Variants in LAMA4 observed in about 807,000 individuals in gnomAD.
LAMA4 encodes laminin subunit alpha 4.
In LAMA4, 127 loss-of-function variants were observed where a neutral mutation model predicts 207.1. That is an observed-to-expected ratio of 0.61 (90% CI 0.53 to 0.71). LAMA4 has a LOEUF of 0.71. Ranked by LOEUF, LAMA4 falls within the 30% of genes least tolerant of loss-of-function variation. LAMA4 has a pLI of 0.00. For synonymous variants in LAMA4, 761 were observed against 816.0 expected (o/e 0.93, Z 1.15); for missense variants, 2,093 against 2,246.5 (o/e 0.93, Z 1.38).
intron 5 of LAMA4, 78 bp from the exon 6 acceptor site, chr6:112,191,928 A>ATT: frequency 2.7e-6 from 3 of 1,118,084 alleles, no homozygotes; most frequent in Non-Finnish European, 4.0e-6. Context: ...TACAAAGAAG[A>ATT]AAGATGTAGT....
intron 2 of LAMA4, among the ~76,000 whole-genome samples, chr6:112,247,137 G>A (rs1017490749): frequency 1.3e-5 from 2 of 152,222 alleles, no homozygotes; most frequent in Admixed American, 1.3e-4. Context: ...GACAGACTGA[G>A]AGAAATGAGG....
chr6:112,189,529 G>C (rs1489454936), intron 6 of LAMA4, among the ~76,000 whole-genome samples: 1 of 152,156 alleles, frequency 6.6e-6, no homozygotes, highest in Non-Finnish European at 1.5e-5. Context: ...AGTTTCACAA[G>C]ATACTAAATG....
intron 8 of LAMA4, chr6:112,186,773 A>T (rs1554346766): frequency 2.2e-6 from 1 of 449,840 alleles, no homozygotes. Context: ...TTTTTATAAA[A>T]TATATTTTCT....
At chr6:112,126,521 C>G (rs1295864038) in intron 31 of LAMA4, among the ~76,000 whole-genome samples, 4 of 152,132 alleles carry the variant, frequency 2.6e-5, no homozygotes, top group African/African-American at 9.7e-5. Context: ...TATACACACA[C>G]AAAATTATTT....
At chr6:112,251,250 C>T (rs1279566542) in intron 2 of LAMA4, 1 of 152,154 alleles carries the variant, frequency 6.6e-6, no homozygotes, top group Admixed American at 6.5e-5. Context: ...AATCTCTATC[C>T]TTTTATTCCG....
chr6:112,224,058 G>A (rs1371289117), intron 2 of LAMA4, among the ~76,000 whole-genome samples: 2 of 152,050 alleles, frequency 1.3e-5, no homozygotes, highest in Non-Finnish European at 2.9e-5. Flanking sequence ...TGGGATCCAC[G>A]CATCTCTGGC....
chr6:112,187,632 A>G, intron 7 of LAMA4, 31 bp from the exon 8 acceptor site: 2 of 1,610,060 alleles, frequency 1.2e-6, no homozygotes, highest in Non-Finnish European at 1.7e-6. Context: ...CAGAATCACA[A>G]GTCAAAAGCA....
At chr6:112,254,366 T>A in intron 1 of LAMA4, 75 bp from the exon 2 acceptor site, 1 of 605,112 alleles carries the variant, frequency 1.7e-6, no homozygotes, top group Non-Finnish European at 2.9e-6. Flanking sequence ...TCTCCCCTTC[T>A]CCCCCTCTCT....
intron 31 of LAMA4, among the ~76,000 whole-genome samples, chr6:112,127,613 C>T (rs1204592204): frequency 2.6e-5 from 4 of 151,938 alleles, no homozygotes; most frequent in African/African-American, 7.3e-5. Context: ...GGCTTTTACT[C>T]GGAGTGTAGT....
chr6:112,167,341 GTGGT>G (rs1781438512), intron 12 of LAMA4, among the ~76,000 whole-genome samples: 1 of 152,180 alleles, frequency 6.6e-6, no homozygotes, highest in East Asian at 1.9e-4. Flanking sequence ...GGTGGAGGTT[GTGGT>G]GAGCTAAGAT....
chr6:112,198,710 C>T (rs1425658995), intron 5 of LAMA4, among the ~76,000 whole-genome samples: 1 of 152,138 alleles, frequency 6.6e-6, no homozygotes, highest in African/African-American at 2.4e-5. Context: ...TAATTTCTAG[C>T]TAAGGAAACC....
intron 12 of LAMA4, among the ~76,000 whole-genome samples, chr6:112,166,661 C>T (rs1781399364): frequency 6.6e-6 from 1 of 152,190 alleles, no homozygotes; most frequent in Admixed American, 6.5e-5. Context: ...AGATGAAAAA[C>T]AATATGCTTC....
intron 8 of LAMA4, among the ~76,000 whole-genome samples, chr6:112,185,767 C>T (rs904594584): frequency 6.6e-6 from 1 of 152,292 alleles, no homozygotes; most frequent in Non-Finnish European, 1.5e-5. Context: ...CATTTTAATG[C>T]AAGTCTCTTT....
At chr6:112,163,152 T>G (rs1363479578) in intron 13 of LAMA4, among the ~76,000 whole-genome samples, 12 of 94,258 alleles carry the variant, frequency 1.3e-4, no homozygotes, top group Non-Finnish European at 2.5e-4. Context: ...AAAAAAAATT[T>G]TCTTTTTTGT....
intron 31 of LAMA4, among the ~76,000 whole-genome samples, chr6:112,128,435 C>T (rs782551010): frequency 5.3e-5 from 8 of 151,842 alleles, no homozygotes; most frequent in Non-Finnish European, 8.8e-5. Context: ...CGGGCAGCGG[C>T]GGGAGGAGGA....
In LAMA4 at chr6:112,130,300, T is replaced by TGTGTGTGTGTGTGTG. The variant is rs59700559; in HGVS notation, c.3969-261_3969-260insCACACACACACACAC. ...AGATGACTAGTCATCAGCATTATTT[T>TGTGTGTGTGTGTGTG]TGTGTGTGTGTGTGTGTGTGTGTGT... is the stretch of plus-strand genomic sequence containing the variant. On this transcript the variant is annotated intron_variant, in intron 29 of 38. Coordinates refer to ENST00000230538, the MANE Select transcript of LAMA4 (RefSeq NM_001105206.3). The TGTGTGTGTGTGTGTG allele has an allele frequency of 1.9e-4, 73 of 382,230 alleles. 2 individuals carry two copies. The highest frequency in any genetic ancestry group is 1.4e-3 in the African/African-American group (67 of 46,786). The allele number at this position is 382,230 out of a possible 1,614,324, so 23.7% of individuals were successfully genotyped here.
intron 9 of LAMA4, among the ~76,000 whole-genome samples, chr6:112,180,422 T>G (rs1554345038): frequency 6.6e-6 from 1 of 152,214 alleles, no homozygotes; most frequent in East Asian, 1.9e-4. Flanking sequence ...TAGTGATGGC[T>G]TATATGAATG....
rs999625386 is a variant in LAMA4, at chr6:112,197,427, G to A, written c.503+4181C>T. On this transcript the variant is annotated intron_variant, in intron 5 of 38. Transcript: ENST00000230538. The stretch of plus-strand genomic sequence containing the variant: ...TTTATGTTTTAGACCAGTGTTTCGC[G>A]AATTTGCATGTAACATGGATCCTTT... Among the ~76,000 whole-genome samples the A allele has an allele frequency of 5.9e-5, 9 of 152,204 alleles. No individual in the cohort carries two copies. The East Asian group carries it at 9.7e-4, about 16-fold the overall frequency.
chr6:112,178,675 T>C (rs7757340), intron 9 of LAMA4: 66,409 of 171,764 alleles, frequency 0.39, 15,340 homozygotes, highest in Middle Eastern at 0.56. Context: ...CATACAATGT[T>C]TGGTTTTCCA....
Sources: allele counts gnomAD v4.1 joint callset (sites outside exome capture counted in the v4.1 genomes callset), GRCh38; gene constraint gnomAD v4.1.1; transcripts MANE v1.5; gene names NCBI Gene and HGNC (gene_info 2026-07-23, HGNC 2026-07-21).